The following CNTN6 variants were observed in gnomAD, a reference collection of about 807,000 sequenced individuals.
CNTN6 encodes the protein contactin-6.
In CNTN6, 137 loss-of-function variants were observed where a neutral mutation model predicts 122.8. The observed-to-expected ratio is 1.12, with a 90% CI of 0.97 to 1.29. The LOEUF (loss-of-function observed/expected upper bound fraction) is 1.29, where lower values mean the gene tolerates loss of function less well. CNTN6 is among the 50% of genes most tolerant of loss of function. CNTN6 has a pLI of 0.00. For missense variants in CNTN6, 1,634 were observed against 1,223.4 expected, an observed-to-expected ratio of 1.34 and a Z score of -5.01; for synonymous variants, 570 against 426.0, an observed-to-expected ratio of 1.34 and a Z score of -4.16.
At chr3:1,312,122 G>T (rs1699420054) in intron 7 of CNTN6, among the ~76,000 whole-genome samples, 1 of 151,682 alleles carries the variant, frequency 6.6e-6, no homozygotes, top group South Asian at 2.1e-4. Context: ...ATTATAGAGG[G>T]GCCACTGTCA....
At chr3:1,130,614 T>C (rs1281314669) in intron 1 of CNTN6, among the ~76,000 whole-genome samples, 2 of 152,158 alleles carry the variant, frequency 1.3e-5, no homozygotes. Context: ...CTTCACTGGC[T>C]TCATTCTCTT....
intron 5 of CNTN6, among the ~76,000 whole-genome samples, chr3:1,293,467 G>C (rs905602645): frequency 2.6e-5 from 4 of 152,108 alleles, no homozygotes; most frequent in Admixed American, 2.6e-4. Flanking sequence ...TTTAAATTTA[G>C]TAAGGTTAGT....
chr3:1,193,842 A>G (rs980900640), intron 2 of CNTN6, among the ~76,000 whole-genome samples: 6 of 152,154 alleles, frequency 3.9e-5, no homozygotes, highest in African/African-American at 1.4e-4. Context: ...TTTATAGTAA[A>G]TAAAATACAG....
intron 7 of CNTN6, among the ~76,000 whole-genome samples, chr3:1,300,560 A>G (rs1178897954): frequency 4.0e-5 from 1 of 24,706 alleles, no homozygotes; most frequent in Non-Finnish European, 7.1e-5. Context: ...AGAAAGAAAA[A>G]GAAAGAAAGA....
At chr3:1,114,635 A>T (rs1351789216) in intron 1 of CNTN6, among the ~76,000 whole-genome samples, 1 of 152,198 alleles carries the variant, frequency 6.6e-6, no homozygotes, top group Non-Finnish European at 1.5e-5. Flanking sequence ...ACATAGTAAA[A>T]TGGTAGACCA....
At chr3:1,304,745 G>A (rs1177339978) in intron 7 of CNTN6, among the ~76,000 whole-genome samples, 1 of 152,016 alleles carries the variant, frequency 6.6e-6, no homozygotes. Flanking sequence ...TGTAATCCCA[G>A]CACTTTGGGA....
At position 1,099,286 on chromosome 3, in the gene CNTN6, C is replaced by CT. The variant is rs1574829001; in HGVS notation, c.-83+6166_-83+6167insT. 4.6e-5 allele frequency among the ~76,000 whole-genome samples: 7 copies of CT among 151,848 alleles called. No homozygotes were observed. In the East Asian group the frequency reaches 1.4e-3, roughly 30 times the overall value. Reference sequence around the variant, plus strand: ...CTAACACGGTGAAACCCCGTCTCTACCAAAAATACAAAAAATTAGCAGGGT... The same window carrying CT: ...CTAACACGGTGAAACCCCGTCTCTACTCAAAAATACAAAAAATTAGCAGGGT... On this transcript the variant is annotated intron_variant, in intron 1 of 22. Coordinates refer to ENST00000446702, the MANE Select transcript of CNTN6 (RefSeq NM_001289080.2).
intron 11 of CNTN6, among the ~76,000 whole-genome samples, chr3:1,341,779 CA>C (rs1393046489): frequency 6.6e-6 from 1 of 152,056 alleles, no homozygotes; most frequent in Non-Finnish European, 1.5e-5. Flanking sequence ...ACAGTTGAAC[CA>C]AAGACTTAAG....
intron 2 of CNTN6, among the ~76,000 whole-genome samples, chr3:1,165,679 A>G (rs1575087967): frequency 6.6e-6 from 1 of 152,152 alleles, no homozygotes; most frequent in Non-Finnish European, 1.5e-5. Context: ...TTCTTTATCT[A>G]TATTACCCAG....
intron 2 of CNTN6, among the ~76,000 whole-genome samples, chr3:1,201,200 T>A (rs2093865977): frequency 6.6e-6 from 1 of 151,156 alleles, no homozygotes; most frequent in South Asian, 2.1e-4. Flanking sequence ...CTCAAACTCC[T>A]GAGTTCAAGT....
chr3:1,352,319 T>C lies in CNTN6; in HGVS notation c.1365-5T>C. On this transcript the variant is annotated splice_polypyrimidine_tract_variant and splice_region_variant and intron_variant, in intron 11 of 22. Transcript: ENST00000446702. Reference sequence around the variant, plus strand: ...ACTTCTATTAATGATGTATTTTCTTTTTAGAATATTTCTCTTGGAGGATGG... The same window carrying C: ...ACTTCTATTAATGATGTATTTTCTTCTTAGAATATTTCTCTTGGAGGATGG... The C allele has an allele frequency of 6.6e-7, 1 of 1,507,526 alleles. No individual in the cohort carries two copies. The highest frequency in any genetic ancestry group is 8.9e-7 in the Non-Finnish European group (1 of 1,120,718). 93.4% of individuals were successfully genotyped at this position (1,507,526 alleles called of 1,614,324 possible).
At chr3:1,271,276 A>G (rs1325345341) in intron 4 of CNTN6, among the ~76,000 whole-genome samples, 1 of 152,244 alleles carries the variant, frequency 6.6e-6, no homozygotes, top group Non-Finnish European at 1.5e-5. Flanking sequence ...GCAGGAGCAG[A>G]GAGAGCTGAA....
At chr3:1,381,927 C>A (rs536248172) in intron 17 of CNTN6, among the ~76,000 whole-genome samples, 89 of 149,548 alleles carry the variant, frequency 6.0e-4, no homozygotes, top group Non-Finnish European at 1.1e-3. Context: ...GCCTGTGGTT[C>A]TGGCGCTCGT....
At chr3:1,325,979 TTACC>T (rs1284000605) in intron 9 of CNTN6, 28 bp downstream of exon 9, 8 of 1,592,454 alleles carry the variant, frequency 5.0e-6, no homozygotes, top group Non-Finnish European at 6.8e-6. Flanking sequence ...TATTAAAAGT[TTACC>T]TACTCTACTA....
intron 11 of CNTN6, among the ~76,000 whole-genome samples, chr3:1,342,647 T>TA (rs956068936): frequency 2.0e-5 from 3 of 151,640 alleles, no homozygotes; most frequent in Admixed American, 6.6e-5. Flanking sequence ...GGACAGAGGC[T>TA]AAAAAAAATA....
chr3:1,369,776 T>C (rs1350707799), intron 12 of CNTN6, among the ~76,000 whole-genome samples: 1 of 152,152 alleles, frequency 6.6e-6, no homozygotes, highest in Non-Finnish European at 1.5e-5. Flanking sequence ...TGTGATTTTT[T>C]TTTTCAGAGT....
intron 1 of CNTN6, among the ~76,000 whole-genome samples, chr3:1,103,028 C>T (rs1265298902): frequency 6.6e-6 from 1 of 151,672 alleles, no homozygotes; most frequent in Middle Eastern, 3.4e-3. Flanking sequence ...ATGGCGGGAA[C>T]CCGGGAGGCG....
chr3:1,207,360 T>C (rs778474156), intron 2 of CNTN6, among the ~76,000 whole-genome samples: 33 of 152,122 alleles, frequency 2.2e-4, no homozygotes, highest in Non-Finnish European at 4.4e-4. Flanking sequence ...TTATTATACA[T>C]CTATACCACA....
At chr3:1,338,447 T>C (rs1197032648) in intron 11 of CNTN6, among the ~76,000 whole-genome samples, 3 of 152,142 alleles carry the variant, frequency 2.0e-5, no homozygotes, top group African/African-American at 7.2e-5. Context: ...AGTTGTTGAA[T>C]ACCACCTAGA....
Sources: allele counts gnomAD v4.1 joint callset (sites outside exome capture counted in the v4.1 genomes callset), GRCh38; gene constraint gnomAD v4.1.1; transcripts MANE v1.5; gene names NCBI Gene and HGNC (gene_info 2026-07-23, HGNC 2026-07-21).